RBMS2: variants seen among roughly 807,000 people sequenced by gnomAD.
RBMS2 encodes RNA-binding motif, single-stranded-interacting protein 2.
Under a neutral mutation model 58.4 loss-of-function variants are expected in RBMS2, and 38 were observed. That is an observed-to-expected ratio of 0.65 (90% CI 0.50 to 0.85). RBMS2 has a LOEUF of 0.85. RBMS2 is among the 40% of genes least tolerant of loss of function. RBMS2 has a pLI of 0.00. For missense variants in RBMS2, 367 were observed against 503.7 expected (o/e 0.73, Z 2.60); for synonymous variants, 151 against 180.7 (o/e 0.84, Z 1.32).
rs938045276 is a variant in RBMS2, at chr12:56,594,261, C to A, written c.*5128C>A. On this transcript the variant is annotated 3_prime_UTR_variant, in exon 14 of 14. Transcript: ENST00000262031. ...TGGCTATTAGTCTTCTAGAAAAGAA[C>A]TATTGCTGCTGCCTTGTGCACATGC... 6.6e-6 allele frequency: 1 copy of A among 152,252 alleles called. No individual in the cohort carries two copies. Among genetic ancestry groups the A allele is most frequent in the Non-Finnish European group, 1.5e-5 (1 of 68,044 alleles). 9.4% of individuals were successfully genotyped at this position (152,252 alleles called of 1,614,324 possible).
intron 5 of RBMS2, 50 bp from the exon 6 acceptor site, chr12:56,581,134 G>C (rs765664093): frequency 2.1e-6 from 3 of 1,432,442 alleles, no homozygotes; most frequent in South Asian, 2.3e-5. Flanking sequence ...AATGTGTGGA[G>C]AGCACAGATC....
In RBMS2 at chr12:56,528,926, A is replaced by C. The variant is rs1592317959; in HGVS notation, c.66+6837A>C. 4.6e-5 allele frequency among the ~76,000 whole-genome samples: 7 copies of C among 152,182 alleles called. No individual in the cohort carries two copies. The South Asian group carries it at 1.5e-3, about 32-fold the overall frequency. On this transcript the variant is annotated intron_variant, in intron 1 of 13. Coordinates refer to ENST00000262031, the MANE Select transcript of RBMS2 (RefSeq NM_002898.4). ...GGGTGACAGAGCAAGACTCTGTATC[A>C]AAAAAGAAAGAAAGAAAGAGAGACA... is the stretch of plus-strand genomic sequence containing the variant.
intron 1 of RBMS2, among the ~76,000 whole-genome samples, chr12:56,560,149 C>G (rs1429270018): frequency 1.3e-5 from 2 of 152,162 alleles, no homozygotes; most frequent in East Asian, 3.9e-4. Flanking sequence ...CCCGCCTCGG[C>G]CTCCCAAAGT....
chr12:56,545,254 T>C (rs1274705049), intron 1 of RBMS2, among the ~76,000 whole-genome samples: 4 of 152,214 alleles, frequency 2.6e-5, no homozygotes, highest in African/African-American at 7.2e-5. Context: ...TTGTTCCTTT[T>C]TATGGCTGAG....
intron 1 of RBMS2, among the ~76,000 whole-genome samples, chr12:56,551,139 A>G (rs1031877812): frequency 1.3e-5 from 2 of 151,954 alleles, no homozygotes; most frequent in Non-Finnish European, 2.9e-5. Context: ...AAAAGAAAAA[A>G]AAAAGGGATA....
intron 1 of RBMS2, among the ~76,000 whole-genome samples, chr12:56,542,503 GA>G (rs1292606859): frequency 1.4e-5 from 2 of 146,482 alleles, no homozygotes; most frequent in Non-Finnish European, 3.0e-5. Flanking sequence ...TATAGTTAAC[GA>G]AAACCATTGA....
intron 1 of RBMS2, among the ~76,000 whole-genome samples, chr12:56,540,231 G>T (rs1306481118): frequency 6.6e-6 from 1 of 152,140 alleles, no homozygotes; most frequent in African/African-American, 2.4e-5. Flanking sequence ...ACCTAACGTA[G>T]TACCTAGTAC....
At chr12:56,579,497 G>A (rs956719632) in intron 5 of RBMS2, among the ~76,000 whole-genome samples, 8 of 152,014 alleles carry the variant, frequency 5.3e-5, no homozygotes, top group African/African-American at 1.9e-4. Context: ...GCCGGGTGTG[G>A]TGGCGGGCAC....
At position 56,549,826 on chromosome 12, in the gene RBMS2, G is replaced by A. The variant is rs986675186; in HGVS notation, c.67-12591G>A. On this transcript the variant is annotated intron_variant, in intron 1 of 13. Coordinates refer to ENST00000262031, the MANE Select transcript of RBMS2 (RefSeq NM_002898.4). ...CAGATCCACCTGAGGTCAGGAGTTC[G>A]AGACCATCCTGACCAACATGGAGAA... Among the ~76,000 whole-genome samples, 85 of 152,034 alleles carry A rather than the reference G, an allele frequency of 5.6e-4. 2 individuals carry two copies. In the Middle Eastern group the frequency reaches 0.01, roughly 18 times the overall value.
intron 9 of RBMS2, 55 bp from the exon 10 acceptor site, chr12:56,586,794 G>A: frequency 7.0e-7 from 1 of 1,430,878 alleles, no homozygotes; most frequent in Non-Finnish European, 9.9e-7. Context: ...TATTAGATCT[G>A]TGGGCTGAAT....
chr12:56,571,631 G>C (rs1331971694), intron 4 of RBMS2, 67 bp from the exon 5 acceptor site: 4 of 1,388,144 alleles, frequency 2.9e-6, no homozygotes, highest in Non-Finnish European at 2.9e-6. Context: ...TGTCATTTGT[G>C]GGGAGGGCTG....
intron 2 of RBMS2, among the ~76,000 whole-genome samples, chr12:56,564,370 C>A (rs1040234128): frequency 2.0e-5 from 3 of 152,080 alleles, no homozygotes; most frequent in Non-Finnish European, 2.9e-5. Flanking sequence ...CATGTCCCTA[C>A]GCTTTTTTTT....
chr12:56,591,707 AT>A lies in RBMS2; in HGVS notation c.*2576del, dbSNP rs1324316210. ...GAAGGGCCTTTCACGCATAGAAACCATTGTTGATATTGCCACTCCCCTCTCC... is the reference window on the plus strand; with the variant it reads ...GAAGGGCCTTTCACGCATAGAAACCATGTTGATATTGCCACTCCCCTCTCC... On this transcript the variant is annotated 3_prime_UTR_variant, in exon 14 of 14. Transcript: ENST00000262031. 1 of 152,112 alleles carries A rather than the reference AT, an allele frequency of 6.6e-6. No individual in the cohort carries two copies. Among genetic ancestry groups the A allele is most frequent in the Admixed American group, 6.6e-5 (1 of 15,262 alleles). The allele number at this position is 152,112 out of a possible 1,614,324, so 9.4% of individuals were successfully genotyped here. A position where few individuals can be genotyped will look rare whatever the true frequency, so the allele number is the denominator to read the frequency against.
At chr12:56,563,970 C>A (rs1038357864) in intron 2 of RBMS2, among the ~76,000 whole-genome samples, 9 of 151,950 alleles carry the variant, frequency 5.9e-5, no homozygotes, top group Non-Finnish European at 1.2e-4. Flanking sequence ...TCCTTGATTT[C>A]TAAATTTTGT....
chr12:56,558,506 A>G (rs1417678043), intron 1 of RBMS2, among the ~76,000 whole-genome samples: 1 of 149,458 alleles, frequency 6.7e-6, no homozygotes, highest in Non-Finnish European at 1.5e-5. Context: ...CTTGGCACAT[A>G]GTATGGTGCT....
chr12:56,577,035 CAAA>C (rs60298708), intron 5 of RBMS2, among the ~76,000 whole-genome samples: 9 of 63,626 alleles, frequency 1.4e-4, no homozygotes, highest in South Asian at 4.7e-4. Flanking sequence ...AGTGAGATTC[CAAA>C]AAAAAAAAAA....
chr12:56,535,101 T>C (rs1874522865), intron 1 of RBMS2, among the ~76,000 whole-genome samples: 1 of 152,150 alleles, frequency 6.6e-6, no homozygotes, highest in Non-Finnish European at 1.5e-5. Context: ...TCTGGTTCCT[T>C]TCCTGGTTTC....
intron 1 of RBMS2, among the ~76,000 whole-genome samples, chr12:56,527,149 AG>A (rs1436647917): frequency 6.6e-6 from 1 of 152,184 alleles, no homozygotes; most frequent in African/African-American, 2.4e-5. Context: ...GGATTCACTT[AG>A]TACTTCTAAC....
At chr12:56,528,839 G>T (rs1873167444) in intron 1 of RBMS2, among the ~76,000 whole-genome samples, 1 of 152,080 alleles carries the variant, frequency 6.6e-6, no homozygotes, top group Non-Finnish European at 1.5e-5. Context: ...AGGCTGAGGT[G>T]GGAGGATTGC....
Sources: gnomAD v4.1 joint callset for allele counts (sites outside exome capture counted in the v4.1 genomes callset) on GRCh38, gnomAD v4.1.1 for gene constraint, MANE v1.5 for transcripts, NCBI Gene and HGNC (gene_info 2026-07-23, HGNC 2026-07-21) for gene names.